The following ABCA5 variants were observed in gnomAD, a reference collection of about 807,000 sequenced individuals.
ABCA5 encodes the protein cholesterol transporter ABCA5.
ABCA5 carries 163 observed loss-of-function variants against 206.0 expected under a neutral mutation model. The observed-to-expected ratio is 0.79, with a 90% CI of 0.70 to 0.90. ABCA5 has a LOEUF of 0.90. Ranked by LOEUF, ABCA5 falls within the 40% of genes least tolerant of loss-of-function variation. ABCA5 has a pLI of 0.00. For missense variants in ABCA5, 1,859 were observed against 1,912.9 expected, an observed-to-expected ratio of 0.97 and a Z score of 0.53; for synonymous variants, 609 against 613.8, an observed-to-expected ratio of 0.99 and a Z score of 0.11.
intron 1 of ABCA5, among the ~76,000 whole-genome samples, chr17:69,324,911 T>C (rs747251741): frequency 1.3e-5 from 2 of 152,124 alleles, no homozygotes; most frequent in Non-Finnish European, 1.5e-5. Flanking sequence ...ATCATTTGCT[T>C]CTCAATCAAT....
In ABCA5 at chr17:69,250,589, T is replaced by G. The variant is rs376917230; in HGVS notation, c.4568A>C (p.Lys1523Thr). ...CIGTVQHLKS[K>T]FGKGYFLEIK... Reference sequence around the variant, plus strand: ...TTCCAAAAAGTAGCCTTTTCCAAATTTACTCTTTAGATGTTGTACTGTTCC... The same window carrying G: ...TTCCAAAAAGTAGCCTTTTCCAAATGTACTCTTTAGATGTTGTACTGTTCC... Residue 1523 changes from lysine (K) to threonine (T), a missense_variant, in exon 36 of 39, where the codon AAA becomes ACA. Transcript: ENST00000392676. 63 of 1,598,550 alleles carry G rather than the reference T, an allele frequency of 3.9e-5. No individual in the cohort carries two copies. Among genetic ancestry groups the G allele is most frequent in the African/African-American group, 6.8e-5 (5 of 73,854 alleles).
rs2075471382 is a variant in ABCA5, at chr17:69,287,554, A to G, written c.2041+59T>C. On this transcript the variant is annotated intron_variant, in intron 15 of 38. Coordinates refer to ENST00000392676, the MANE Select transcript of ABCA5 (RefSeq NM_172232.4). ...TTATACCTCAGGAATTAGCATCTCT[A>G]TATCCATCTTCCTTTTGGCCCATGA... The G allele has an allele frequency of 1.9e-6, 3 of 1,556,696 alleles. No individual in the cohort carries two copies. The East Asian group carries it at 6.9e-5, about 36-fold the overall frequency.
At chr17:69,309,079 G>A (rs2075745680) in intron 4 of ABCA5, among the ~76,000 whole-genome samples, 183 bp downstream of exon 4, 1 of 152,058 alleles carries the variant, frequency 6.6e-6, no homozygotes, top group African/African-American at 2.4e-5. Flanking sequence ...AATGTTTTAT[G>A]TGTAGAAGTA....
At chr17:69,266,284 A>T (rs1262927659) in intron 23 of ABCA5, among the ~76,000 whole-genome samples, 1 of 152,172 alleles carries the variant, frequency 6.6e-6, no homozygotes, top group Non-Finnish European at 1.5e-5. Context: ...AAAAAATGGG[A>T]ATCTTTTTGG....
At chr17:69,310,762 A>G (rs2075760288) in intron 3 of ABCA5, among the ~76,000 whole-genome samples, 1 of 152,260 alleles carries the variant, frequency 6.6e-6, no homozygotes, top group African/African-American at 2.4e-5. Context: ...ATTAGTACTT[A>G]ACGTCTTCAT....
rs933650949 is a variant in ABCA5, at chr17:69,290,990, G to A, written c.1606+226C>T. Among the ~76,000 whole-genome samples the A allele has an allele frequency of 7.9e-5, 12 of 151,966 alleles. No individual in the cohort carries two copies. The East Asian group carries it at 1.5e-3, about 20-fold the overall frequency. On this transcript the variant is annotated intron_variant, in intron 12 of 38. Transcript: ENST00000392676. Reference sequence around the variant, plus strand: ...TAAAAACACATACATACACATCTACGTGTGTATATGTATAGAAATATGTAC... The same window carrying A: ...TAAAAACACATACATACACATCTACATGTGTATATGTATAGAAATATGTAC...
At position 69,304,770 on chromosome 17, in the gene ABCA5, T is replaced by G. The variant is rs779141172; in HGVS notation, c.829A>C (p.Met277Leu). Residue 277 changes from methionine (M) to leucine (L), a missense_variant, in exon 7 of 39, where the codon ATG (methionine) becomes CTG (leucine). Met to Leu is a conservative substitution (Grantham distance 15). Transcript: ENST00000392676. ...VLLYTSLIFL[M>L]SLLMAVIATA... ...GCAATGACTGCCATAAGAAGGGACATAAGAAAAATTAAACTTGTATATAGA... is the reference window on the plus strand; with the variant it reads ...GCAATGACTGCCATAAGAAGGGACAGAAGAAAAATTAAACTTGTATATAGA... 1.2e-6 allele frequency: 2 copies of G among 1,607,160 alleles called. No individual in the cohort carries two copies. The highest frequency in any genetic ancestry group is 4.5e-5 in the East Asian group (2 of 44,578).
At chr17:69,247,795 T>C (rs2074968385) in intron 38 of ABCA5, 151 bp from the exon 39 acceptor site, 3 of 459,276 alleles carry the variant, frequency 6.5e-6, no homozygotes, top group South Asian at 5.2e-5. Flanking sequence ...AAACAGATTA[T>C]TTTCAAAAGT....
At chr17:69,312,703 A>G (rs1032838593) in intron 3 of ABCA5, among the ~76,000 whole-genome samples, 1 of 152,044 alleles carries the variant, frequency 6.6e-6, no homozygotes, top group Non-Finnish European at 1.5e-5. Context: ...CCCCACCTCA[A>G]CTTCTTGAGT....
intron 18 of ABCA5, among the ~76,000 whole-genome samples, chr17:69,282,635 G>A (rs753268351): frequency 1.6e-5 from 2 of 122,702 alleles, no homozygotes; most frequent in African/African-American, 2.9e-5. Context: ...TGGGCGTGGT[G>A]GTGGGCGCCT....
chr17:69,288,576 T>C (rs1420821419), intron 14 of ABCA5, among the ~76,000 whole-genome samples: 2 of 151,784 alleles, frequency 1.3e-5, no homozygotes, highest in Non-Finnish European at 2.9e-5. Flanking sequence ...TTTAAAGAAA[T>C]AAAACATGGA....
Position 69,277,684 on chromosome 17 carries a change from G to T in ABCA5, c.2551C>A (p.His851Asn). Residue 851 changes from histidine to asparagine, a missense_variant, in exon 19 of 39, where the codon CAT (histidine) becomes AAT (asparagine). Physicochemically the swap from His to Asn is moderately conservative, Grantham distance 68. Transcript: ENST00000392676. ...KQQMYTIAKF[H>N]FFTLKRESKS... ...CTTTCACGTTTCAAGGTAAAGAAAT[G>T]AAACTTTGCTATTGTATACATCTGT... The T allele has an allele frequency of 6.2e-7, 1 of 1,611,298 alleles. No homozygotes were observed. The highest frequency in any genetic ancestry group is 8.5e-7 in the Non-Finnish European group (1 of 1,179,168).
At chr17:69,261,019 AT>A in intron 26 of ABCA5, 105 bp downstream of exon 26, 1 of 905,686 alleles carries the variant, frequency 1.1e-6, no homozygotes. Flanking sequence ...AGTAGTAGCC[AT>A]TAGCCCAATG....
chr17:69,283,548 C>G (rs562952910), intron 18 of ABCA5, among the ~76,000 whole-genome samples: 2 of 152,202 alleles, frequency 1.3e-5, no homozygotes, highest in Non-Finnish European at 2.9e-5. Context: ...ATCCTCCTGA[C>G]TTTGCTGTGT....
At chr17:69,308,616 AAG>A (rs1313987194) in intron 4 of ABCA5, among the ~76,000 whole-genome samples, 1 of 152,206 alleles carries the variant, frequency 6.6e-6, no homozygotes, top group Non-Finnish European at 1.5e-5. Flanking sequence ...AATGTAAAGA[AAG>A]AAATTAATTG....
At chr17:69,272,417 A>C (rs1276193740) in intron 20 of ABCA5, among the ~76,000 whole-genome samples, 3 of 152,146 alleles carry the variant, frequency 2.0e-5, no homozygotes, top group Non-Finnish European at 4.4e-5. Flanking sequence ...AAGAATAATA[A>C]AAAATTAAGA....
chr17:69,284,079 GA>G lies in ABCA5; in HGVS notation c.2273-8del. 6.5e-7 allele frequency: 1 copy of G among 1,532,128 alleles called. No homozygotes were observed. The allele number at this position is 1,532,128 out of a possible 1,614,324, so 94.9% of individuals were successfully genotyped here. ...TCTAGGGCAGAAAACAAACCTAAAAGAAAAAAATGAAAGAATAGTATATCTT... is the reference window on the plus strand; with the variant it reads ...TCTAGGGCAGAAAACAAACCTAAAAGAAAAAATGAAAGAATAGTATATCTT... On this transcript the variant is annotated splice_polypyrimidine_tract_variant and splice_region_variant and intron_variant, in intron 17 of 38. Transcript: ENST00000392676.
chr17:69,297,593 A>G (rs2075598005), intron 9 of ABCA5, among the ~76,000 whole-genome samples: 1 of 152,224 alleles, frequency 6.6e-6, no homozygotes, highest in African/African-American at 2.4e-5. Context: ...TGTATGAATC[A>G]AAGTTTTATT....
intron 10 of ABCA5, 134 bp downstream of exon 10, chr17:69,297,057 C>G: frequency 1.2e-6 from 1 of 808,178 alleles, no homozygotes; most frequent in South Asian, 1.9e-5. Flanking sequence ...AGAAAAGTAG[C>G]CCTTATTAAT....
Sources: gnomAD v4.1 joint callset for allele counts (sites outside exome capture counted in the v4.1 genomes callset) on GRCh38, gnomAD v4.1.1 for gene constraint, MANE v1.5 for transcripts, NCBI Gene and HGNC (gene_info 2026-07-23, HGNC 2026-07-21) for gene names.